The following UBE2L3 variants were observed in gnomAD, a reference collection of about 807,000 sequenced individuals.
The protein encoded by UBE2L3 is ubiquitin-conjugating enzyme E2 L3.
Under a neutral mutation model 17.8 loss-of-function variants are expected in UBE2L3, and 1 was observed. The ratio of observed to expected loss-of-function variants is 0.06; its 90% confidence interval spans 0.02 to 0.27. The LOEUF is 0.27. UBE2L3 is among the 10% of genes least tolerant of loss of function. The probability of loss-of-function intolerance (pLI) is 1.00; values close to 1 mark genes in which losing one functional copy is unlikely to be tolerated. For missense variants in UBE2L3, 40 were observed against 192.6 expected, an observed-to-expected ratio of 0.21 and a Z score of 4.69; for synonymous variants, 44 against 68.5, an observed-to-expected ratio of 0.64 and a Z score of 1.76.
At chr22:21,615,310 CT>C (rs1349415583) in intron 3 of UBE2L3, among the ~76,000 whole-genome samples, 1 of 152,068 alleles carries the variant, frequency 6.6e-6, no homozygotes, top group Non-Finnish European at 1.5e-5. Flanking sequence ...AGTCCCAGCA[CT>C]TTGGGAGGCC....
chr22:21,621,988 T>TA lies in UBE2L3; in HGVS notation c.*327dup, dbSNP rs138201900. Reference sequence around the variant, plus strand: ...CAAGTTACATTTAACCCATAAGGTTTAAAAAAAAGGAAAAAAAACGGTTGT... The same window carrying TA: ...CAAGTTACATTTAACCCATAAGGTTTAAAAAAAAAGGAAAAAAAACGGTTGT... On this transcript the variant is annotated 3_prime_UTR_variant, in exon 4 of 4. Coordinates refer to ENST00000342192, the MANE Select transcript of UBE2L3 (RefSeq NM_003347.4). The TA allele has an allele frequency of 0.2, 43,185 of 218,292 alleles. 5,502 individuals are homozygous for TA. The highest frequency in any genetic ancestry group is 0.45 in the East Asian group (3,261 of 7,248). 13.5% of individuals were successfully genotyped at this position (218,292 alleles called of 1,614,324 possible).
chr22:21,576,272 G>A (rs997107011), intron 1 of UBE2L3, among the ~76,000 whole-genome samples: 4 of 151,514 alleles, frequency 2.6e-5, no homozygotes, highest in African/African-American at 4.8e-5. Flanking sequence ...ACGCCACCAC[G>A]CCTGGCTAAT....
intron 3 of UBE2L3, among the ~76,000 whole-genome samples, chr22:21,612,466 CA>C (rs1163689471): frequency 1.6e-3 from 245 of 151,814 alleles, no homozygotes; most frequent in African/African-American, 5.7e-3. Context: ...GCTGGGACTA[CA>C]GGCACCCGCC....
upstream of UBE2L3, among the ~76,000 whole-genome samples, chr22:21,566,326 G>A (rs1192638560): frequency 6.6e-6 from 1 of 152,002 alleles, no homozygotes; most frequent in Admixed American, 6.5e-5. Flanking sequence ...GCTCATGCCT[G>A]TAATCCCACC....
At chr22:21,611,166 T>A (rs907394910) in intron 3 of UBE2L3, 123 bp downstream of exon 3, 8 of 1,175,408 alleles carry the variant, frequency 6.8e-6, no homozygotes, top group Non-Finnish European at 9.4e-6. Flanking sequence ...AAAATGTAGC[T>A]GAGGTCCTGT....
chr22:21,585,011 TC>T (rs1927860640), intron 1 of UBE2L3, among the ~76,000 whole-genome samples: 1 of 152,198 alleles, frequency 6.6e-6, no homozygotes, highest in Non-Finnish European at 1.5e-5. Flanking sequence ...AGCCACTTCG[TC>T]CAACCAGCAG....
At chr22:21,561,650 C>G (rs546355002) in intron 1 of UBE2L3, among the ~76,000 whole-genome samples, 1 of 152,384 alleles carries the variant, frequency 6.6e-6, no homozygotes, top group East Asian at 1.9e-4. Context: ...AAATTGAGTC[C>G]CTGCCACGAT....
At chr22:21,601,357 G>T (rs1279788122) in intron 2 of UBE2L3, among the ~76,000 whole-genome samples, 4 of 151,612 alleles carry the variant, frequency 2.6e-5, no homozygotes, top group African/African-American at 9.7e-5. Context: ...TCGTCCCCCA[G>T]GCTGGAGTGC....
chr22:21,601,613 C>T (rs1928863263), intron 2 of UBE2L3, among the ~76,000 whole-genome samples: 1 of 151,906 alleles, frequency 6.6e-6, no homozygotes, highest in Admixed American at 6.6e-5. Flanking sequence ...CTGTGCCTGG[C>T]CTAACTCAGC....
intron 1 of UBE2L3, among the ~76,000 whole-genome samples, chr22:21,591,272 C>G (rs1281060180): frequency 6.6e-6 from 1 of 152,232 alleles, no homozygotes; most frequent in African/African-American, 2.4e-5. Flanking sequence ...CCAGCAGTGC[C>G]TCTTCTCTCA....
At chr22:21,587,825 A>G (rs543278839) in intron 1 of UBE2L3, among the ~76,000 whole-genome samples, 163 of 152,266 alleles carry the variant, frequency 1.1e-3, no homozygotes, top group African/African-American at 3.2e-3. Flanking sequence ...GTGGGCATCA[A>G]GCTCTCTGGG....
chr22:21,618,902 A>G (rs924663428), intron 3 of UBE2L3, among the ~76,000 whole-genome samples: 1 of 152,118 alleles, frequency 6.6e-6, no homozygotes, highest in Non-Finnish European at 1.5e-5. Flanking sequence ...TTAGTTACCA[A>G]GGTGATGATA....
At chr22:21,613,535 C>T (rs1929611994) in intron 3 of UBE2L3, among the ~76,000 whole-genome samples, 1 of 152,156 alleles carries the variant, frequency 6.6e-6, no homozygotes, top group Non-Finnish European at 1.5e-5. Flanking sequence ...TGTGGCATGG[C>T]CTTGATCCCC....
At chr22:21,593,060 G>A in intron 2 of UBE2L3, 104 bp downstream of exon 2, 1 of 933,948 alleles carries the variant, frequency 1.1e-6, no homozygotes, top group Non-Finnish European at 1.7e-6. Context: ...AGTCTAGGCA[G>A]CCAGCAGATG....
intron 1 of UBE2L3, among the ~76,000 whole-genome samples, chr22:21,570,702 G>T (rs879546653): frequency 6.0e-5 from 9 of 149,326 alleles, no homozygotes; most frequent in Non-Finnish European, 1.3e-4. Flanking sequence ...GTTTAAGACT[G>T]TTTTTTTTTT....
Position 21,610,832 on chromosome 22 carries a change from C to G in UBE2L3, c.124-25C>G, listed in dbSNP as rs148030106. The G allele has an allele frequency of 1.8e-5, 28 of 1,573,296 alleles. No homozygotes were observed. In the African/African-American group the frequency reaches 3.4e-4, roughly 19 times the overall value. Reference sequence around the variant, plus strand: ...ATAGGTTTATGAACCATGGTGTGTTCATTTTGATCTCTCTTTCCTTCCAGG... The same window carrying G: ...ATAGGTTTATGAACCATGGTGTGTTGATTTTGATCTCTCTTTCCTTCCAGG... On this transcript the variant is annotated intron_variant, in intron 2 of 3. Transcript: ENST00000342192.
chr22:21,588,984 G>A (rs1928105579), intron 1 of UBE2L3, among the ~76,000 whole-genome samples: 1 of 151,928 alleles, frequency 6.6e-6, no homozygotes, highest in African/African-American at 2.4e-5. Flanking sequence ...AGTGGAGACA[G>A]TGTTTTGCCA....
chr22:21,578,410 T>C (rs961847301), intron 1 of UBE2L3, among the ~76,000 whole-genome samples: 2 of 151,756 alleles, frequency 1.3e-5, no homozygotes, highest in Admixed American at 6.6e-5. Flanking sequence ...CTAAGCTTCC[T>C]GAAGGATTCT....
intron 1 of UBE2L3, among the ~76,000 whole-genome samples, chr22:21,559,183 C>G (rs1373351398): frequency 6.6e-6 from 1 of 152,146 alleles, no homozygotes; most frequent in Non-Finnish European, 1.5e-5. Context: ...CCCATCTCTA[C>G]TAAAAAACAC....
Sources: allele counts gnomAD v4.1 joint callset (sites outside exome capture counted in the v4.1 genomes callset), GRCh38; gene constraint gnomAD v4.1.1; transcripts MANE v1.5; gene names NCBI Gene and HGNC (gene_info 2026-07-23, HGNC 2026-07-21).